The following NFASC variants were observed in gnomAD, a reference collection of about 807,000 sequenced individuals.
The protein encoded by NFASC is neurofascin.
NFASC carries 43 observed loss-of-function variants against 147.5 expected under a neutral mutation model. That is an observed-to-expected ratio of 0.29 (90% CI 0.23 to 0.38). The LOEUF (loss-of-function observed/expected upper bound fraction) is 0.38, where lower values mean the gene tolerates loss of function less well. Ranked by LOEUF, NFASC falls within the 10% of genes least tolerant of loss-of-function variation. The pLI, the probability that NFASC is intolerant of heterozygous loss-of-function variation, is 1.00. For missense variants in NFASC, 1,320 were observed against 1,689.0 expected, an observed-to-expected ratio of 0.78 and a Z score of 3.83; for synonymous variants, 622 against 665.5, an observed-to-expected ratio of 0.93 and a Z score of 1.01.
At chr1:204,892,512 T>G (rs2082605881) in intron 1 of NFASC, among the ~76,000 whole-genome samples, 1 of 152,234 alleles carries the variant, frequency 6.6e-6, no homozygotes, top group Non-Finnish European at 1.5e-5. Flanking sequence ...ATGGCTGACA[T>G]GCACTGCTGT....
chr1:204,868,953 T>G (rs1234029136), intron 1 of NFASC, among the ~76,000 whole-genome samples: 3 of 152,236 alleles, frequency 2.0e-5, no homozygotes. Context: ...ACTTTGCCCC[T>G]GACCTGGGCT....
chr1:204,953,578 G>C (rs888664778), intron 5 of NFASC, among the ~76,000 whole-genome samples: 4 of 152,226 alleles, frequency 2.6e-5, no homozygotes, highest in Non-Finnish European at 4.4e-5. Context: ...TTACAGGCGT[G>C]AGCCACCGCG....
chr1:204,888,468 T>C (rs969755437), intron 1 of NFASC, among the ~76,000 whole-genome samples: 10 of 152,146 alleles, frequency 6.6e-5, no homozygotes, highest in African/African-American at 1.9e-4. Flanking sequence ...AAAAAGCAGA[T>C]TGGTCATTTC....
intron 1 of NFASC, among the ~76,000 whole-genome samples, chr1:204,853,390 G>A (rs2075865617): frequency 6.6e-6 from 1 of 152,158 alleles, no homozygotes; most frequent in Non-Finnish European, 1.5e-5. Context: ...TATTTCCTCT[G>A]TGTGTATGTG....
chr1:204,927,035 A>G (rs2091742927), intron 2 of NFASC, among the ~76,000 whole-genome samples: 2 of 152,174 alleles, frequency 1.3e-5, no homozygotes, highest in Admixed American at 6.5e-5. Flanking sequence ...AGATGGCGCC[A>G]CTGCACTCTG....
intron 3 of NFASC, 53 bp downstream of exon 3, chr1:204,944,459 G>T: frequency 9.4e-7 from 1 of 1,059,586 alleles, no homozygotes; most frequent in Non-Finnish European, 1.4e-6. Context: ...GGGCAGAGGG[G>T]TGGGAGGGGA....
Position 204,920,722 on chromosome 1 carries a change from G to A in NFASC, c.-109G>A. On this transcript the variant is annotated 5_prime_UTR_variant, in exon 2 of 30. Coordinates refer to ENST00000339876, the MANE Select transcript of NFASC (RefSeq NM_001005388.3). ...CCTCCTCTGGTGTTGCAAGGAAGAG[G>A]CTGAATGAGGCAGAGAAGGTAAGCA... 1 of 1,288,762 alleles carries A rather than the reference G, an allele frequency of 7.8e-7. No homozygotes were observed. Among genetic ancestry groups the A allele is most frequent in the South Asian group, 1.2e-5 (1 of 80,992 alleles). The allele number at this position is 1,288,762 out of a possible 1,614,324, so 79.8% of individuals were successfully genotyped here. A position where few individuals can be genotyped will look rare whatever the true frequency, so the allele number is the denominator to read the frequency against.
At chr1:205,014,226 T>A (rs2096303431) in intron 29 of NFASC, among the ~76,000 whole-genome samples, 1 of 151,926 alleles carries the variant, frequency 6.6e-6, no homozygotes, top group Non-Finnish European at 1.5e-5. Context: ...AACCCCTGCC[T>A]CCTCCCCGCA....
At chr1:204,927,865 G>A (rs1416411381) in intron 2 of NFASC, among the ~76,000 whole-genome samples, 1 of 152,218 alleles carries the variant, frequency 6.6e-6, no homozygotes, top group Non-Finnish European at 1.5e-5. Flanking sequence ...AGAAGGATGT[G>A]TGTCTAATTG....
intron 1 of NFASC, among the ~76,000 whole-genome samples, chr1:204,843,204 G>A (rs771312768): frequency 1.3e-5 from 2 of 152,222 alleles, no homozygotes; most frequent in Admixed American, 6.5e-5. Context: ...AGATGCTGGT[G>A]TGTTGGGGAC....
intron 1 of NFASC, among the ~76,000 whole-genome samples, chr1:204,904,623 T>G (rs1003703733): frequency 3.9e-5 from 6 of 152,240 alleles, no homozygotes; most frequent in Admixed American, 3.3e-4. Context: ...ACATTTCTTA[T>G]CTATCTCTGC....
chr1:204,854,230 G>A (rs1219385985), intron 1 of NFASC, among the ~76,000 whole-genome samples: 1 of 152,114 alleles, frequency 6.6e-6, no homozygotes, highest in Non-Finnish European at 1.5e-5. Context: ...GGGGCTGTGT[G>A]GGAGTAGCCT....
chr1:204,963,071 A>G (rs539773666), intron 8 of NFASC, among the ~76,000 whole-genome samples: 256 of 152,310 alleles, frequency 1.7e-3, no homozygotes, highest in African/African-American at 5.6e-3. Flanking sequence ...AAGGGACCTC[A>G]CTGTGGGCTG....
intron 1 of NFASC, among the ~76,000 whole-genome samples, chr1:204,877,006 AT>A (rs1219620292): frequency 2.7e-5 from 3 of 110,496 alleles, no homozygotes; most frequent in Non-Finnish European, 4.9e-5. Flanking sequence ...GTATATATAT[AT>A]ATATATATAT....
intron 2 of NFASC, among the ~76,000 whole-genome samples, chr1:204,924,221 C>G (rs1021974972): frequency 8.5e-5 from 13 of 152,202 alleles, no homozygotes; most frequent in African/African-American, 3.1e-4. Context: ...TCTCCTCCAG[C>G]CTGTAGAAGC....
In NFASC at chr1:204,978,990, C is replaced by T. The variant is rs775213262; in HGVS notation, c.1899C>T (p.Asp633=). Residue 633 remains aspartate, a synonymous_variant, in exon 18 of 30, where the codon GAC becomes GAT. Transcript: ENST00000339876. ...LPKGRPDRPR[D]LELTDLAERS... ...CAGGACGGCCAGACCGGCCCCGGGACCTGGAGCTGACCGACCTGGCCGAGA... is the reference window on the plus strand; with the variant it reads ...CAGGACGGCCAGACCGGCCCCGGGATCTGGAGCTGACCGACCTGGCCGAGA... The T allele has an allele frequency of 3.3e-5, 51 of 1,559,742 alleles. No homozygotes were observed. The highest frequency in any genetic ancestry group is 4.4e-5 in the Non-Finnish European group (51 of 1,151,044).
chr1:204,968,976 G>A lies in NFASC; in HGVS notation c.997G>A (p.Val333Ile), dbSNP rs766022822. ...GSIRHTISVR[V>I]KAAPYWLDEP... ...CATCCGGCACACGATCTCGGTGAGA[G>A]TAAAGGGTACGTTGTGTGTATTTAT... Residue 333 changes from valine to isoleucine, a missense_variant, in exon 10 of 30, where the codon GTA becomes ATA. Val to Ile is a conservative substitution (Grantham distance 29). Around this residue, in one of 3 missense-constraint regions of NFASC, gnomAD observed 981 missense variants for 1,289.5 expected, o/e 0.76. Coordinates refer to ENST00000339876, the MANE Select transcript of NFASC (RefSeq NM_001005388.3). The surrounding 1 kb of genome is among the most constrained non-coding windows in gnomAD (Gnocchi z 5.4). 3 of 1,613,626 alleles carry A rather than the reference G, an allele frequency of 1.9e-6. No homozygotes were observed. Among genetic ancestry groups the A allele is most frequent in the South Asian group, 2.2e-5 (2 of 91,006 alleles).
chr1:204,897,306 G>T (rs567471885), intron 1 of NFASC, among the ~76,000 whole-genome samples: 1 of 152,284 alleles, frequency 6.6e-6, no homozygotes, highest in East Asian at 1.9e-4. Context: ...CCAGGCAATA[G>T]AAGTGCCTGT....
intron 1 of NFASC, among the ~76,000 whole-genome samples, chr1:204,840,232 G>A (rs187786495): frequency 1.1e-3 from 160 of 152,252 alleles, no homozygotes; most frequent in African/African-American, 3.7e-3. Flanking sequence ...AAGGCCCTAC[G>A]CATGGGTTCT....
Sources: allele counts gnomAD v4.1 joint callset (sites outside exome capture counted in the v4.1 genomes callset), GRCh38; gene constraint gnomAD v4.1.1; regional missense constraint gnomAD v4.1.1; non-coding constraint Gnocchi (gnomAD v3.1); transcripts MANE v1.5; gene names NCBI Gene and HGNC (gene_info 2026-07-23, HGNC 2026-07-21).